BMP7: variants seen among roughly 807,000 people sequenced by gnomAD.
The protein encoded by BMP7 is bone morphogenetic protein 7, also known as osteogenic protein 1.
Under a neutral mutation model 41.2 loss-of-function variants are expected in BMP7, and 12 were observed. The ratio of observed to expected loss-of-function variants is 0.29; its 90% CI spans 0.19 to 0.47. The LOEUF (loss-of-function observed/expected upper bound fraction) is 0.47. Ranked by LOEUF, BMP7 falls within the 20% of genes least tolerant of loss-of-function variation. The pLI, the probability that BMP7 is intolerant of heterozygous loss-of-function variation, is 0.99. For missense variants in BMP7, 467 were observed against 606.0 expected, an observed-to-expected ratio of 0.77 and a Z score of 2.41; for synonymous variants, 248 against 250.0, an observed-to-expected ratio of 0.99 and a Z score of 0.07.
Position 57,171,109 on chromosome 20 carries a change from C to T in BMP7, c.1147-1G>A. Reference sequence around the variant, plus strand: ...CCGTTTCCGGGTTGATGAAGTGGACCTGAAACACACACCAAAACATGGGCA... The same window carrying T: ...CCGTTTCCGGGTTGATGAAGTGGACTTGAAACACACACCAAAACATGGGCA... On this transcript the variant is annotated splice_acceptor_variant, in intron 6 of 6. Coordinates refer to ENST00000395863, the MANE Select transcript of BMP7 (RefSeq NM_001719.3). LOFTEE classifies it high-confidence loss of function. This position sits in a 1 kb window ranked among gnomAD's most constrained non-coding sequence, Gnocchi z 4.5. 6.2e-7 allele frequency: 1 copy of T among 1,614,168 alleles called. No individual in the cohort carries two copies. The highest frequency in any genetic ancestry group is 8.5e-7 in the Non-Finnish European group (1 of 1,180,016).
At chr20:57,198,252 C>T (rs2123084696) in intron 3 of BMP7, among the ~76,000 whole-genome samples, 1 of 151,870 alleles carries the variant, frequency 6.6e-6, no homozygotes, top group African/African-American at 2.4e-5. Context: ...TCCTCTCTAT[C>T]CTCTCCTTTC....
chr20:57,196,804 C>T (rs79970881), intron 3 of BMP7, among the ~76,000 whole-genome samples: 2,485 of 152,236 alleles, frequency 0.016, 64 homozygotes, highest in African/African-American at 0.054. Flanking sequence ...GCCTGGGCAA[C>T]GTAGCAAGAC....
intron 3 of BMP7, among the ~76,000 whole-genome samples, chr20:57,197,308 T>C (rs1197461699): frequency 6.6e-6 from 1 of 152,078 alleles, no homozygotes; most frequent in Admixed American, 6.6e-5. Flanking sequence ...AGAAGCCTAC[T>C]GTCTTCTGAG....
intron 1 of BMP7, among the ~76,000 whole-genome samples, chr20:57,246,229 C>T (rs2066090364): frequency 6.6e-6 from 1 of 152,204 alleles, no homozygotes; most frequent in Non-Finnish European, 1.5e-5. Context: ...GTGTTGTTAG[C>T]TTTACCCATT....
chr20:57,192,145 AAT>A (rs952927101), intron 3 of BMP7, among the ~76,000 whole-genome samples: 1 of 125,186 alleles, frequency 8.0e-6, no homozygotes, highest in Non-Finnish European at 1.6e-5. Context: ...TATTATATAT[AAT>A]ATATAGTTAT....
intron 3 of BMP7, among the ~76,000 whole-genome samples, chr20:57,191,795 TTTATA>T (rs1484651260): frequency 7.0e-6 from 1 of 143,500 alleles, no homozygotes; most frequent in Non-Finnish European, 1.5e-5. Flanking sequence ...ATTATATATT[TTTATA>T]TTATAGTATA....
intron 1 of BMP7, among the ~76,000 whole-genome samples, chr20:57,246,259 C>T (rs571759106): frequency 1.5e-4 from 23 of 152,354 alleles, no homozygotes; most frequent in African/African-American, 4.1e-4. Context: ...ACTCAACACA[C>T]GCTTGTCACC....
rs1182084155 is a variant in BMP7 at position 57,170,874 on chromosome 20, C to G, written c.*85G>C. The G allele has an allele frequency of 2.1e-5, 33 of 1,545,938 alleles. No individual in the cohort carries two copies. Among genetic ancestry groups the G allele is most frequent in the Non-Finnish European group, 1.8e-6 (2 of 1,134,446 alleles). On this transcript the variant is annotated 3_prime_UTR_variant, in exon 7 of 7. Transcript: ENST00000395863. Reference sequence around the variant, plus strand: ...AGGGAGGGGAAGGTCTCACAAAAGGCAGTTGGTCTGCTGGTTCCTGGCCAA... The same window carrying G: ...AGGGAGGGGAAGGTCTCACAAAAGGGAGTTGGTCTGCTGGTTCCTGGCCAA...
chr20:57,177,322 C>A (rs1568703030), intron 4 of BMP7, among the ~76,000 whole-genome samples: 1 of 151,572 alleles, frequency 6.6e-6, no homozygotes, highest in Non-Finnish European at 1.5e-5. Context: ...CTGCTGGGGA[C>A]TGAAAAGCAG....
At chr20:57,202,911 A>G (rs983789142) in intron 2 of BMP7, among the ~76,000 whole-genome samples, 1 of 152,200 alleles carries the variant, frequency 6.6e-6, no homozygotes, top group African/African-American at 2.4e-5. Context: ...GGGACAGAGT[A>G]TAGGAAGACA....
At chr20:57,265,031 C>CA (rs34234487) in intron 1 of BMP7, among the ~76,000 whole-genome samples, 9,984 of 74,302 alleles carry the variant, frequency 0.13, 1,336 homozygotes, top group African/African-American at 0.32. Context: ...AACTCCGTCT[C>CA]AAAAAAAAAA....
At position 57,174,631 on chromosome 20, in the gene BMP7, C is replaced by T. The variant is rs180741888; in HGVS notation, c.1035+300G>A. Among the ~76,000 whole-genome samples the T allele has an allele frequency of 6.6e-5, 10 of 152,242 alleles. No homozygotes were observed. Among genetic ancestry groups the T allele is most frequent in the East Asian group, 3.9e-4 (2 of 5,172 alleles). ...GGTATCTACATTCAAACACACGGCCCGGCATCATCTTGAGAAGCAGCCAGC... is the reference window on the plus strand; with the variant it reads ...GGTATCTACATTCAAACACACGGCCTGGCATCATCTTGAGAAGCAGCCAGC... On this transcript the variant is annotated intron_variant, in intron 5 of 6. Transcript: ENST00000395863. This position sits in a 1 kb window ranked among gnomAD's most constrained non-coding sequence, Gnocchi z 4.3.
At chr20:57,258,747 G>A (rs1203555335) in intron 1 of BMP7, among the ~76,000 whole-genome samples, 1 of 152,080 alleles carries the variant, frequency 6.6e-6, no homozygotes, top group East Asian at 1.9e-4. Context: ...TCTGAAAGAG[G>A]GAGGCGCACA....
At chr20:57,194,838 C>G (rs1984455894) in intron 3 of BMP7, among the ~76,000 whole-genome samples, 1 of 152,238 alleles carries the variant, frequency 6.6e-6, no homozygotes, top group African/African-American at 2.4e-5. Context: ...AGTCCACACC[C>G]TGGCCCAGCC....
rs1218091139 is a variant in BMP7 at position 57,215,730 on chromosome 20, T to G, written c.611+12499A>C. On this transcript the variant is annotated intron_variant, in intron 2 of 6. Transcript: ENST00000395863. The surrounding 1 kb of genome is among the most constrained non-coding windows in gnomAD (Gnocchi z 4.2). ...GAGGTGGGCGGGCAGCCATGGAGGA[T>G]GGGGAGACTCATCTTTCTAGACTTC... 6.6e-6 allele frequency: 1 copy of G among 152,104 alleles called. No homozygotes were observed. 9.4% of individuals were successfully genotyped at this position (152,104 alleles called of 1,614,324 possible).
chr20:57,234,614 C>T (rs1189668061), intron 1 of BMP7, among the ~76,000 whole-genome samples: 2 of 150,746 alleles, frequency 1.3e-5, no homozygotes, highest in East Asian at 1.9e-4. Context: ...CAATTGTATA[C>T]ACACCCAGAA....
At chr20:57,211,085 A>T (rs1267283408) in intron 2 of BMP7, among the ~76,000 whole-genome samples, 1 of 152,094 alleles carries the variant, frequency 6.6e-6, no homozygotes, top group Non-Finnish European at 1.5e-5. Context: ...ATGTGGAATC[A>T]CCCGGCTGGT....
chr20:57,194,469 T>A (rs186904550), intron 3 of BMP7, among the ~76,000 whole-genome samples: 2 of 152,246 alleles, frequency 1.3e-5, no homozygotes, highest in Admixed American at 1.3e-4. Flanking sequence ...AAATATGTAC[T>A]CTCTGGTACT....
chr20:57,191,360 T>C (rs553370173), intron 3 of BMP7, among the ~76,000 whole-genome samples: 2 of 152,164 alleles, frequency 1.3e-5, no homozygotes, highest in African/African-American at 4.8e-5. Flanking sequence ...CATGAGCCAC[T>C]AAATGAGGAG....
Sources: allele counts gnomAD v4.1 joint callset (sites outside exome capture counted in the v4.1 genomes callset), GRCh38; gene constraint gnomAD v4.1.1; non-coding constraint Gnocchi (gnomAD v3.1); transcripts MANE v1.5; gene names NCBI Gene and HGNC (gene_info 2026-07-23, HGNC 2026-07-21).